The following SH2B3 variants were observed in gnomAD, a reference collection of about 807,000 sequenced individuals.
SH2B3 encodes SH2B adaptor protein 3, also known as SH2B adapter protein 3.
Under a neutral mutation model 51.9 loss-of-function variants are expected in SH2B3, and 43 were observed. The ratio of observed to expected loss-of-function variants is 0.83; its 90% CI spans 0.65 to 1.07. The LOEUF (loss-of-function observed/expected upper bound fraction) is 1.07. Among genes scored for constraint, SH2B3 ranks in the 50% least tolerant of loss-of-function variants. The probability of loss-of-function intolerance (pLI) is 0.00; values close to 1 mark genes in which losing one functional copy is unlikely to be tolerated. For synonymous variants in SH2B3, 396 were observed against 376.0 expected (o/e 1.05, Z -0.62); for missense variants, 952 against 834.3 (o/e 1.14, Z -1.74).
chr12:111,416,647 C>G (rs1364484593), intron 1 of SH2B3, among the ~76,000 whole-genome samples: 1 of 152,166 alleles, frequency 6.6e-6, no homozygotes, highest in African/African-American at 2.4e-5. Context: ...GCGCCCGCCA[C>G]CACAGCCGGC....
chr12:111,427,388 GAAAAAAAAAAAAAAAAA>G (rs557658468), intron 2 of SH2B3, among the ~76,000 whole-genome samples: 1 of 83,028 alleles, frequency 1.2e-5, no homozygotes, highest in Non-Finnish European at 2.6e-5. Context: ...TCCATCTCAG[GAAAAAAAAAAAAAAAAA>G]AAAAAAAAAA....
intron 2 of SH2B3, among the ~76,000 whole-genome samples, chr12:111,423,979 G>A (rs1871776307): frequency 6.6e-6 from 1 of 152,202 alleles, no homozygotes; most frequent in South Asian, 2.1e-4. Flanking sequence ...TGGTGTGGTG[G>A]CACATGCCTG....
intron 2 of SH2B3, among the ~76,000 whole-genome samples, chr12:111,445,989 G>C (rs1873915820): frequency 6.6e-6 from 1 of 152,244 alleles, no homozygotes; most frequent in East Asian, 1.9e-4. Context: ...CTCCCAGTTT[G>C]TTAGGGGTTG....
At chr12:111,423,701 G>A (rs1871751826) in intron 2 of SH2B3, among the ~76,000 whole-genome samples, 1 of 152,112 alleles carries the variant, frequency 6.6e-6, no homozygotes, top group African/African-American at 2.4e-5. Context: ...CAACCTCAGT[G>A]GCTGGGCGCA....
At position 111,448,622 on chromosome 12, in the gene SH2B3, G is replaced by T; in HGVS notation, c.*320G>T. On this transcript the variant is annotated 3_prime_UTR_variant, in exon 8 of 8. Coordinates refer to ENST00000341259, the MANE Select transcript of SH2B3 (RefSeq NM_005475.3). ...GGAGTTGGGGTGAGGGCCAGAGCTGGCAGTGGAAACTTGTTCTCTTTTTCA... is the reference window on the plus strand; with the variant it reads ...GGAGTTGGGGTGAGGGCCAGAGCTGTCAGTGGAAACTTGTTCTCTTTTTCA... 1 of 285,284 alleles carries T rather than the reference G, an allele frequency of 3.5e-6. No individual in the cohort carries two copies. Among genetic ancestry groups the T allele is most frequent in the Non-Finnish European group, 6.6e-6 (1 of 150,630 alleles). 17.7% of individuals were successfully genotyped at this position (285,284 alleles called of 1,614,324 possible).
chr12:111,440,516 C>T (rs556794824), intron 2 of SH2B3, among the ~76,000 whole-genome samples: 5 of 152,222 alleles, frequency 3.3e-5, no homozygotes, highest in Non-Finnish European at 7.3e-5. Flanking sequence ...CACCCAGGCT[C>T]CAATGCCTGG....
chr12:111,428,176 A>G (rs776971263), intron 2 of SH2B3, among the ~76,000 whole-genome samples: 1 of 152,220 alleles, frequency 6.6e-6, no homozygotes, highest in Admixed American at 6.5e-5. Context: ...CGAGGCCTGG[A>G]GGGGGCTGGC....
At chr12:111,411,269 G>A (rs926734956) in intron 1 of SH2B3, among the ~76,000 whole-genome samples, 5 of 150,486 alleles carry the variant, frequency 3.3e-5, no homozygotes, top group Non-Finnish European at 7.4e-5. Context: ...TGGAAGGACT[G>A]CTTAAACCCA....
Position 111,429,033 on chromosome 12 carries a change from GGAGGAGGAGGAGGAA to G in SH2B3, c.732+10171_732+10185del, listed in dbSNP as rs1400361525. 6.1e-5 allele frequency among the ~76,000 whole-genome samples: 9 copies of G among 148,226 alleles called. No individual in the cohort carries two copies. Among genetic ancestry groups the G allele is most frequent in the South Asian group, 2.1e-4 (1 of 4,708 alleles). On this transcript the variant is annotated intron_variant, in intron 2 of 7. Coordinates refer to ENST00000341259, the MANE Select transcript of SH2B3 (RefSeq NM_005475.3). The surrounding 1 kb of genome is among the most constrained non-coding windows in gnomAD (Gnocchi z 4.4). ...AGGAGTGCGAGGAGGAGGAGGAGGA[GGAGGAGGAGGAGGAA>G]GAGGAGGAGGAGGAGGAGGAGGGAC...
chr12:111,412,599 T>G (rs1870789306), intron 1 of SH2B3, among the ~76,000 whole-genome samples: 1 of 152,198 alleles, frequency 6.6e-6, no homozygotes, highest in Non-Finnish European at 1.5e-5. Context: ...AGATATGGTC[T>G]GCTTCTGTCA....
chr12:111,405,114 G>A (rs1002269923), upstream of SH2B3, among the ~76,000 whole-genome samples: 2 of 152,216 alleles, frequency 1.3e-5, no homozygotes, highest in Non-Finnish European at 2.9e-5. The surrounding 1 kb of genome is among the most constrained non-coding windows in gnomAD (Gnocchi z 5.4). Flanking sequence ...CCATGAGGCC[G>A]TGGAGAAAAT....
chr12:111,442,423 C>T (rs921970687), intron 2 of SH2B3, among the ~76,000 whole-genome samples: 2 of 151,134 alleles, frequency 1.3e-5, no homozygotes, highest in African/African-American at 4.8e-5. Flanking sequence ...GTGGCAGAGG[C>T]GTGGCTGGTG....
rs959944863 is a variant in SH2B3 at position 111,410,698 on chromosome 12, G to A, written c.-28+4421G>A. Among the ~76,000 whole-genome samples, 8 of 152,188 alleles carry A rather than the reference G, an allele frequency of 5.3e-5. No individual in the cohort carries two copies. The East Asian group carries it at 9.6e-4, about 18-fold the overall frequency. ...GCATCAGTGTCCAGCCAGCTGCCCC[G>A]TGGCCTGGGGTAGAACCCACCTCTC... On this transcript the variant is annotated intron_variant, in intron 1 of 7. Coordinates refer to ENST00000341259, the MANE Select transcript of SH2B3 (RefSeq NM_005475.3). The surrounding 1 kb of genome is among the most constrained non-coding windows in gnomAD (Gnocchi z 4.9).
intron 2 of SH2B3, among the ~76,000 whole-genome samples, chr12:111,422,391 A>C (rs1374958136): frequency 6.6e-6 from 1 of 152,118 alleles, no homozygotes; most frequent in Non-Finnish European, 1.5e-5. Flanking sequence ...GCACCTTTTC[A>C]TATGTTGATT....
chr12:111,415,674 T>C (rs1448195678), intron 1 of SH2B3, among the ~76,000 whole-genome samples: 3 of 150,242 alleles, frequency 2.0e-5, no homozygotes, highest in Non-Finnish European at 3.0e-5. Flanking sequence ...CAGGCTGGAA[T>C]GCAGTGGCAT....
In SH2B3 at chr12:111,435,152, C is replaced by T. The variant is rs544036738; in HGVS notation, c.733-11601C>T. The T allele has an allele frequency of 1.7e-5, 13 of 755,096 alleles. No homozygotes were observed. The East Asian group carries it at 3.3e-4, about 19-fold the overall frequency. The allele number at this position is 755,096 out of a possible 1,614,324, so 46.8% of individuals were successfully genotyped here. A position where few individuals can be genotyped will look rare whatever the true frequency, so the allele number is the denominator to read the frequency against. ...GTTTTTTGTTGTTTCTTAACCACATCTTTTTCCACCCACACCCGGTGCAGA... is the reference window on the plus strand; with the variant it reads ...GTTTTTTGTTGTTTCTTAACCACATTTTTTTCCACCCACACCCGGTGCAGA... On this transcript the variant is annotated intron_variant, in intron 2 of 7. Coordinates refer to ENST00000341259, the MANE Select transcript of SH2B3 (RefSeq NM_005475.3). The surrounding 1 kb of genome is among the most constrained non-coding windows in gnomAD (Gnocchi z 4.8).
intron 2 of SH2B3, among the ~76,000 whole-genome samples, chr12:111,437,923 G>T (rs1014694129): frequency 2.0e-5 from 3 of 152,210 alleles, no homozygotes; most frequent in Admixed American, 6.5e-5. Flanking sequence ...CTGGGCCTCA[G>T]CTGGCAGCAA....
Position 111,446,735 on chromosome 12 carries a change from C to T in SH2B3, c.733-18C>T, listed in dbSNP as rs768179950. The T allele has an allele frequency of 4.8e-6, 7 of 1,462,336 alleles. No homozygotes were observed. The highest frequency in any genetic ancestry group is 2.3e-5 in the East Asian group (1 of 43,586). The allele number at this position is 1,462,336 out of a possible 1,614,324, so 90.6% of individuals were successfully genotyped here. A position where few individuals can be genotyped will look rare whatever the true frequency, so the allele number is the denominator to read the frequency against. On this transcript the variant is annotated intron_variant, in intron 2 of 7. Transcript: ENST00000341259. Reference sequence around the variant, plus strand: ...AGCATCAGGAACAAGCCTTGAGTACCCCAACTTGGTCTCGTAGAGTTCAAG... The same window carrying T: ...AGCATCAGGAACAAGCCTTGAGTACTCCAACTTGGTCTCGTAGAGTTCAAG...
chr12:111,423,158 C>A (rs558579218), intron 2 of SH2B3, among the ~76,000 whole-genome samples: 1 of 151,996 alleles, frequency 6.6e-6, no homozygotes, highest in African/African-American at 2.4e-5. Flanking sequence ...AGATGGGGAG[C>A]GGGGAAGTAC....
Sources: allele counts gnomAD v4.1 joint callset (sites outside exome capture counted in the v4.1 genomes callset), GRCh38; gene constraint gnomAD v4.1.1; non-coding constraint Gnocchi (gnomAD v3.1); transcripts MANE v1.5; gene names NCBI Gene and HGNC (gene_info 2026-07-23, HGNC 2026-07-21).